The following DAB1 variants were observed in gnomAD, a reference collection of about 807,000 sequenced individuals.
DAB1 encodes the protein disabled homolog 1.
In DAB1, 15 loss-of-function variants were observed where a neutral mutation model predicts 64.6. The ratio of observed to expected loss-of-function variants is 0.23; its 90% CI spans 0.16 to 0.36. DAB1 has a LOEUF of 0.36. Ranked by LOEUF, DAB1 falls within the 10% of genes least tolerant of loss-of-function variation. The pLI is 1.00. For synonymous variants in DAB1, 235 were observed against 251.9 expected, an observed-to-expected ratio of 0.93 and a Z score of 0.64; for missense variants, 596 against 706.7, an observed-to-expected ratio of 0.84 and a Z score of 1.78.
rs780622456 is a variant in DAB1, at chr1:57,071,474, T to G, written c.558+48A>C. The G allele has an allele frequency of 5.0e-6, 8 of 1,586,210 alleles. No individual in the cohort carries two copies. The East Asian group carries it at 1.8e-4, about 36-fold the overall frequency. On this transcript the variant is annotated intron_variant, in intron 6 of 14. Coordinates refer to ENST00000371236, the MANE Select transcript of DAB1 (RefSeq NM_001365792.1). ...CCTGACTGTCAGTTTTTACATGTGT[T>G]TATTTGAAGGCCCGATCTCCAGCGC...
chr1:58,072,091 G>C (rs917288592), intron 5 of DAB1, among the ~76,000 whole-genome samples: 1 of 124,890 alleles, frequency 8.0e-6, no homozygotes, highest in African/African-American at 2.9e-5. Context: ...GGGGTGGGGG[G>C]GGGTGGGTAG....
chr1:57,544,817 A>G (rs977627844), intron 7 of DAB1, among the ~76,000 whole-genome samples: 3 of 152,230 alleles, frequency 2.0e-5, no homozygotes, highest in Admixed American at 2.0e-4. Context: ...CCTTCCTGCC[A>G]TCATGTGAAG....
intron 7 of DAB1, among the ~76,000 whole-genome samples, chr1:57,451,764 T>A (rs563015683): frequency 6.6e-6 from 1 of 152,266 alleles, no homozygotes; most frequent in South Asian, 2.1e-4. Flanking sequence ...AAAATCAGGT[T>A]TTTTCTCTCT....
rs534125687 is a variant in DAB1 at position 57,892,140 on chromosome 1, A to G, written n.388-7978T>C. On this transcript the variant is annotated intron_variant and non_coding_transcript_variant, in intron 5 of 20. Coordinates refer to the DAB1 transcript ENST00000485760. ...AAACAAAACCAGAGCCTATAGCACT[A>G]TAGTAGACATCTATGAGGTTAGTCT... Among the ~76,000 whole-genome samples, 3 of 152,288 alleles carry G rather than the reference A, an allele frequency of 2.0e-5. No homozygotes were observed. In the South Asian group the frequency reaches 6.2e-4, roughly 32 times the overall value.
intron 9 of DAB1, among the ~76,000 whole-genome samples, chr1:57,052,501 G>T (rs1649293351): frequency 6.6e-6 from 1 of 152,084 alleles, no homozygotes; most frequent in Non-Finnish European, 1.5e-5. Flanking sequence ...ACTTGAGAAA[G>T]TTCTTTGCAT....
At chr1:58,384,403 G>T (rs1644415992) in intron 3 of DAB1, among the ~76,000 whole-genome samples, 1 of 152,144 alleles carries the variant, frequency 6.6e-6, no homozygotes, top group African/African-American at 2.4e-5. Flanking sequence ...TGGGTATGAA[G>T]TTACAGTTAC....
At chr1:57,639,573 G>A (rs557349254) in intron 7 of DAB1, among the ~76,000 whole-genome samples, 1 of 152,244 alleles carries the variant, frequency 6.6e-6, no homozygotes, top group East Asian at 1.9e-4. Context: ...TGAGACTAGA[G>A]TTGGAGCACT....
chr1:57,941,299 G>C (rs976168372), intron 5 of DAB1, among the ~76,000 whole-genome samples: 1 of 152,214 alleles, frequency 6.6e-6, no homozygotes, highest in African/African-American at 2.4e-5. Flanking sequence ...TATCTGCACA[G>C]TAGCAGCCCA....
chr1:57,799,579 A>AG lies in DAB1; in HGVS notation n.551+84419_551+84420insC, dbSNP rs1651028619. On this transcript the variant is annotated intron_variant and non_coding_transcript_variant, in intron 6 of 20. Transcript: ENST00000485760. ...TGAGATGAGAAAAAAAAAAAAAAAA[A>AG]AGATCTGGGGGGGGCTTTCAGGAAG... Among the ~76,000 whole-genome samples the AG allele has an allele frequency of 2.4e-5, 3 of 123,640 alleles. No individual in the cohort carries two copies. The South Asian group carries it at 9.2e-4, about 38-fold the overall frequency. The allele number at this position is 123,640 out of a possible 152,430, so 81.1% of individuals were successfully genotyped here.
intron 3 of DAB1, among the ~76,000 whole-genome samples, chr1:58,492,951 G>C (rs1645725238): frequency 2.6e-5 from 4 of 152,072 alleles, no homozygotes; most frequent in Non-Finnish European, 5.9e-5. Flanking sequence ...AAGCCTGGCA[G>C]AGACACAACA....
At chr1:58,402,650 G>C (rs76518508) in intron 3 of DAB1, among the ~76,000 whole-genome samples, 3,677 of 151,528 alleles carry the variant, frequency 0.024, 154 homozygotes, top group African/African-American at 0.084. Flanking sequence ...AAGGAGGAGG[G>C]GGGGAGAGAG....
intron 5 of DAB1, among the ~76,000 whole-genome samples, chr1:57,934,926 T>C (rs577210078): frequency 3.9e-5 from 6 of 152,374 alleles, no homozygotes; most frequent in Non-Finnish European, 7.3e-5. Context: ...ACAAAATTGC[T>C]GTGACCTGGG....
At chr1:58,033,863 G>C (rs1055279993) in intron 5 of DAB1, among the ~76,000 whole-genome samples, 3 of 151,998 alleles carry the variant, frequency 2.0e-5, no homozygotes, top group African/African-American at 7.3e-5. Flanking sequence ...AGTTACACTA[G>C]GACACATAGC....
intron 7 of DAB1, among the ~76,000 whole-genome samples, chr1:57,612,218 T>TGTGTGC (rs952589739): frequency 1.3e-5 from 2 of 151,612 alleles, no homozygotes; most frequent in African/African-American, 4.9e-5. Context: ...TGTGTGTGTG[T>TGTGTGC]GCATGTGTGT....
chr1:57,371,146 C>T (rs536270094), intron 1 of DAB1, among the ~76,000 whole-genome samples: 1 of 152,342 alleles, frequency 6.6e-6, no homozygotes, highest in Admixed American at 6.5e-5. Context: ...TAACATTCTC[C>T]TTCTCACTAG....
chr1:57,940,478 C>A (rs778553259), intron 5 of DAB1, among the ~76,000 whole-genome samples: 1 of 152,226 alleles, frequency 6.6e-6, no homozygotes, highest in South Asian at 2.1e-4. Context: ...CACAGTTAAA[C>A]AGCAAGTGAA....
intron 5 of DAB1, among the ~76,000 whole-genome samples, chr1:57,935,448 T>A (rs1355168612): frequency 6.6e-6 from 1 of 152,210 alleles, no homozygotes; most frequent in African/African-American, 2.4e-5. Context: ...TGCTTAATGG[T>A]GTCTATCTTC....
chr1:57,686,293 T>C lies in DAB1; in HGVS notation n.552-36628A>G, dbSNP rs1186171347. On this transcript the variant is annotated intron_variant and non_coding_transcript_variant, in intron 6 of 20. Coordinates refer to the DAB1 transcript ENST00000485760. ...AACTCTATGCACACAAATTAGAAAT[T>C]CTAGAGGAAATGGATAAATTCCTAG... 7.2e-5 allele frequency among the ~76,000 whole-genome samples: 11 copies of C among 152,128 alleles called. No individual in the cohort carries two copies. In the South Asian group the frequency reaches 2.3e-3, roughly 32 times the overall value.
chr1:58,082,987 C>T (rs1650091634), intron 5 of DAB1, among the ~76,000 whole-genome samples: 1 of 152,264 alleles, frequency 6.6e-6, no homozygotes, highest in South Asian at 2.1e-4. Flanking sequence ...AAAATGAATC[C>T]ACTTCAAGAA....
Sources: allele counts gnomAD v4.1 joint callset (sites outside exome capture counted in the v4.1 genomes callset), GRCh38; gene constraint gnomAD v4.1.1; transcripts MANE v1.5; gene names NCBI Gene and HGNC (gene_info 2026-07-23, HGNC 2026-07-21).